Variants in NPAS3 observed in about 807,000 individuals in gnomAD.
NPAS3 encodes the protein neuronal PAS domain-containing protein 3.
In NPAS3, 14 loss-of-function variants were observed where a neutral mutation model predicts 73.1. The observed-to-expected ratio is 0.19, with a 90% CI of 0.13 to 0.30. NPAS3 has a LOEUF of 0.30. Ranked by LOEUF, NPAS3 falls within the 10% of genes least tolerant of loss-of-function variation. The pLI, the probability that NPAS3 is intolerant of heterozygous loss-of-function variation, is 1.00. For synonymous variants in NPAS3, 620 were observed against 541.5 expected (o/e 1.14, Z -2.01); for missense variants, 1,096 against 1,250.0 (o/e 0.88, Z 1.86).
intron 2 of NPAS3, among the ~76,000 whole-genome samples, chr14:33,151,233 C>A (rs995684188): frequency 2.0e-5 from 3 of 152,214 alleles, no homozygotes; most frequent in African/African-American, 7.2e-5. Context: ...GGGGCTGTGA[C>A]TGCTCCCACA....
intron 7 of NPAS3, among the ~76,000 whole-genome samples, chr14:33,763,278 T>C (rs543456575): frequency 1.3e-5 from 2 of 152,362 alleles, no homozygotes; most frequent in East Asian, 3.9e-4. Flanking sequence ...TACCAGAAAT[T>C]ACTCTCATTT....
chr14:33,523,793 C>A (rs1374115706), intron 4 of NPAS3, among the ~76,000 whole-genome samples: 4 of 151,884 alleles, frequency 2.6e-5, no homozygotes, highest in Admixed American at 6.6e-5. Flanking sequence ...AAAAAAAAGA[C>A]CCTGGCTAAG....
chr14:33,789,862 T>A (rs1019303683), intron 9 of NPAS3, among the ~76,000 whole-genome samples: 6 of 152,128 alleles, frequency 3.9e-5, no homozygotes, highest in Admixed American at 1.3e-4. Context: ...GTGCTGGGAT[T>A]ACAGGCGTGA....
At chr14:33,212,015 C>T (rs1179141965) in intron 2 of NPAS3, among the ~76,000 whole-genome samples, 3 of 152,198 alleles carry the variant, frequency 2.0e-5, no homozygotes, top group Non-Finnish European at 4.4e-5. Context: ...TCTAGACATA[C>T]AACCACAATA....
chr14:33,519,330 G>A (rs1007567966), intron 4 of NPAS3, among the ~76,000 whole-genome samples: 2 of 151,910 alleles, frequency 1.3e-5, no homozygotes, highest in Admixed American at 6.6e-5. Flanking sequence ...TACTCTTCTC[G>A]TGCCCAGCTT....
chr14:33,739,073 C>T (rs1566486098), intron 7 of NPAS3, among the ~76,000 whole-genome samples: 1 of 152,168 alleles, frequency 6.6e-6, no homozygotes, highest in Admixed American at 6.5e-5. Context: ...ATTATGATGT[C>T]CTCATTCTAA....
chr14:33,786,184 G>A (rs1436805050), intron 9 of NPAS3, among the ~76,000 whole-genome samples: 1 of 152,200 alleles, frequency 6.6e-6, no homozygotes, highest in Non-Finnish European at 1.5e-5. Context: ...TTATCCAGAA[G>A]GAAGTGGCAG....
chr14:33,579,561 T>TC (rs994960456), intron 5 of NPAS3, among the ~76,000 whole-genome samples: 3 of 152,146 alleles, frequency 2.0e-5, no homozygotes, highest in African/African-American at 7.2e-5. Flanking sequence ...ATCAATGTAC[T>TC]CCCCATTTCA....
At chr14:33,674,336 G>A (rs1219785312) in intron 5 of NPAS3, among the ~76,000 whole-genome samples, 2 of 152,226 alleles carry the variant, frequency 1.3e-5, no homozygotes, top group African/African-American at 4.8e-5. Context: ...TGAGAAAAGT[G>A]ACAGAAATAT....
chr14:33,269,904 C>A (rs1248392093), intron 3 of NPAS3, among the ~76,000 whole-genome samples: 1 of 152,096 alleles, frequency 6.6e-6, no homozygotes, highest in Non-Finnish European at 1.5e-5. Context: ...GTGACAACTA[C>A]CTATACTTTA....
intron 9 of NPAS3, among the ~76,000 whole-genome samples, chr14:33,789,778 A>T (rs1298204248): frequency 4.0e-5 from 6 of 149,302 alleles, no homozygotes; most frequent in South Asian, 2.2e-4. Flanking sequence ...TTTAGTAGAG[A>T]CAGGGTTTCA....
At chr14:33,647,093 T>C (rs1349863956) in intron 5 of NPAS3, among the ~76,000 whole-genome samples, 1 of 152,174 alleles carries the variant, frequency 6.6e-6, no homozygotes, top group Non-Finnish European at 1.5e-5. Context: ...TATTTTCTCA[T>C]GGAAGCAATG....
At chr14:33,155,949 C>T (rs1394035067) in intron 2 of NPAS3, among the ~76,000 whole-genome samples, 1 of 152,166 alleles carries the variant, frequency 6.6e-6, no homozygotes, top group African/African-American at 2.4e-5. Flanking sequence ...TTAATTTAAA[C>T]TTGTTTTAAA....
intron 2 of NPAS3, among the ~76,000 whole-genome samples, chr14:33,073,829 T>TGA (rs1566531511): frequency 6.6e-6 from 1 of 152,084 alleles, no homozygotes; most frequent in African/African-American, 2.4e-5. Context: ...ATGGAGTGGA[T>TGA]GAGAGAGAGA....
In NPAS3 at chr14:33,734,820, A is replaced by C. The variant is rs141695263; in HGVS notation, c.734-394A>C. ...GGAGAACAAAGAGCAAGCCTTCCTT[A>C]CCCTTTATCAGAAGCATCTCTGCCT... On this transcript the variant is annotated intron_variant, in intron 6 of 11. Coordinates refer to ENST00000356141, the Ensembl canonical transcript of NPAS3. 3.4e-3 allele frequency among the ~76,000 whole-genome samples: 519 copies of C among 152,186 alleles called. 1 individual carries two copies. Among genetic ancestry groups the C allele is most frequent in the African/African-American group, 0.012 (482 of 41,530 alleles).
chr14:33,213,559 G>C (rs1487893141), intron 2 of NPAS3: 1 of 152,168 alleles, frequency 6.6e-6, no homozygotes, highest in Non-Finnish European at 1.5e-5. Flanking sequence ...TTGAGCACTT[G>C]TAGAATTGAA....
At chr14:33,423,380 T>C (rs1482776130) in intron 4 of NPAS3, among the ~76,000 whole-genome samples, 1 of 152,048 alleles carries the variant, frequency 6.6e-6, no homozygotes, top group Non-Finnish European at 1.5e-5. Flanking sequence ...GTTGGTTGCA[T>C]TTGACATTGT....
At chr14:33,099,391 C>A in intron 2 of NPAS3, among the ~76,000 whole-genome samples, 1 of 151,890 alleles carries the variant, frequency 6.6e-6, no homozygotes. Context: ...TTCAGGAGGC[C>A]CAAGGACTAG....
chr14:33,081,349 A>G (rs915794602), intron 2 of NPAS3, among the ~76,000 whole-genome samples: 5 of 152,158 alleles, frequency 3.3e-5, no homozygotes, highest in Non-Finnish European at 7.4e-5. Flanking sequence ...ATCTGGTTTA[A>G]GAGAGAGGAA....
Sources: gnomAD v4.1 joint callset for allele counts (sites outside exome capture counted in the v4.1 genomes callset) on GRCh38, gnomAD v4.1.1 for gene constraint, MANE v1.5 for transcripts, NCBI Gene and HGNC (gene_info 2026-07-23, HGNC 2026-07-21) for gene names.